BCKDHB: variants seen among roughly 807,000 people sequenced by gnomAD.
BCKDHB encodes 2-oxoisovalerate dehydrogenase subunit beta, mitochondrial.
Under a neutral mutation model 48.5 loss-of-function variants are expected in BCKDHB, and 41 were observed. The ratio of observed to expected loss-of-function variants is 0.85; its 90% CI spans 0.66 to 1.10. The LOEUF is 1.10. Ranked by LOEUF, BCKDHB falls within the 50% of genes least tolerant of loss-of-function variation. The pLI, the probability that BCKDHB is intolerant of heterozygous loss-of-function variation, is 0.00. For missense variants in BCKDHB, 496 were observed against 494.2 expected (o/e 1.00, Z -0.03); for synonymous variants, 201 against 174.8 (o/e 1.15, Z -1.18).
At chr6:80,238,488 G>A (rs1009135990) in intron 8 of BCKDHB, among the ~76,000 whole-genome samples, 3 of 152,174 alleles carry the variant, frequency 2.0e-5, no homozygotes, top group African/African-American at 7.2e-5. Context: ...ATAACAACTC[G>A]TGAATCTGGC....
chr6:80,360,837 T>G, the BCKDHB span, among the ~76,000 whole-genome samples: 68 of 151,678 alleles, frequency 4.5e-4, no homozygotes, highest in East Asian at 0.011. Context: ...GAAACCCGTC[T>G]CTACTAAAAA....
At chr6:80,150,632 C>G (rs1582239036) in intron 3 of BCKDHB, among the ~76,000 whole-genome samples, 1 of 145,240 alleles carries the variant, frequency 6.9e-6, no homozygotes, top group African/African-American at 2.5e-5. Context: ...TCTTGGCTCA[C>G]TACAACCTCT....
chr6:80,154,452 T>A (rs1209214158), intron 3 of BCKDHB, among the ~76,000 whole-genome samples: 1 of 152,112 alleles, frequency 6.6e-6, no homozygotes, highest in African/African-American at 2.4e-5. Flanking sequence ...TTATCTTCAG[T>A]TTGCTCCCCC....
At chr6:80,447,847 A>G in the BCKDHB span, among the ~76,000 whole-genome samples, 106 of 152,276 alleles carry the variant, frequency 7.0e-4, no homozygotes, top group Non-Finnish European at 1.3e-3. Flanking sequence ...TCAGACAAGT[A>G]TTGTCATGCC....
intron 8 of BCKDHB, among the ~76,000 whole-genome samples, chr6:80,232,642 G>A: frequency 6.9e-6 from 1 of 145,000 alleles, no homozygotes; most frequent in South Asian, 2.2e-4. Context: ...TGGTTACTAT[G>A]TAAATCACCT....
chr6:80,336,702 T>C lies in BCKDHB; in HGVS notation c.1039-6962T>C, dbSNP rs148110249. ...CTTGATAATAATATTTTAAGTGTTA[T>C]ACAAATCTGGATGAAATTATATTAT... is the stretch of plus-strand genomic sequence containing the variant. On this transcript the variant is annotated intron_variant, in intron 9 of 9. Coordinates refer to ENST00000320393, the MANE Select transcript of BCKDHB (RefSeq NM_183050.4). Among the ~76,000 whole-genome samples, 1,245 of 152,150 alleles carry C rather than the reference T, an allele frequency of 8.2e-3. 21 individuals carry two copies. The highest frequency in any genetic ancestry group is 0.028 in the African/African-American group (1,175 of 41,566).
At position 80,155,793 on chromosome 6, in the gene BCKDHB, T is replaced by C. The variant is rs571556164; in HGVS notation, c.344-11885T>C. Among the ~76,000 whole-genome samples, 91 of 151,976 alleles carry C rather than the reference T, an allele frequency of 6.0e-4. 1 individual carries two copies. The highest frequency in any genetic ancestry group is 2.1e-3 in the African/African-American group (86 of 41,538). ...CTTATATTCTCCTTAATTTAGAAAT[T>C]CATTTTAAAATAAAAGATTAATTTA... On this transcript the variant is annotated intron_variant, in intron 3 of 9. Transcript: ENST00000320393.
chr6:80,386,732 G>GAA, the BCKDHB span, among the ~76,000 whole-genome samples: 1 of 132,194 alleles, frequency 7.6e-6, no homozygotes, highest in Non-Finnish European at 1.7e-5. Flanking sequence ...AATTAATCAT[G>GAA]GTGTTCCTAG....
At chr6:80,118,955 G>C in intron 1 of BCKDHB, among the ~76,000 whole-genome samples, 1 of 152,118 alleles carries the variant, frequency 6.6e-6, no homozygotes, top group East Asian at 1.9e-4. Context: ...TTTCTACCAC[G>C]TCTGCAGTTA....
the BCKDHB span, among the ~76,000 whole-genome samples, chr6:80,379,902 G>A: frequency 6.6e-6 from 1 of 151,834 alleles, no homozygotes; most frequent in Non-Finnish European, 1.5e-5. Context: ...CTCTACAATA[G>A]AAACTACAAA....
chr6:80,342,043 T>G (rs1456813143), intron 9 of BCKDHB, among the ~76,000 whole-genome samples: 1 of 152,170 alleles, frequency 6.6e-6, no homozygotes, highest in Non-Finnish European at 1.5e-5. Flanking sequence ...TGTTTGATAT[T>G]GTAAATCATG....
At chr6:80,222,491 T>C (rs1023901116) in intron 8 of BCKDHB, among the ~76,000 whole-genome samples, 9 of 152,162 alleles carry the variant, frequency 5.9e-5, no homozygotes, top group Non-Finnish European at 1.3e-4. Context: ...CTCATTGCTT[T>C]TTCCTCTGTC....
chr6:80,383,443 A>G, the BCKDHB span, among the ~76,000 whole-genome samples: 1 of 152,106 alleles, frequency 6.6e-6, no homozygotes, highest in South Asian at 2.1e-4. Context: ...AATGTAGACA[A>G]TTACATATAT....
At chr6:80,398,900 A>G in the BCKDHB span, among the ~76,000 whole-genome samples, 1 of 152,182 alleles carries the variant, frequency 6.6e-6, no homozygotes, top group Non-Finnish European at 1.5e-5. Flanking sequence ...ATCCACCACG[A>G]TCAAGTAGGC....
chr6:80,239,103 T>G (rs1048911223), intron 8 of BCKDHB, among the ~76,000 whole-genome samples: 2 of 152,246 alleles, frequency 1.3e-5, no homozygotes, highest in African/African-American at 4.8e-5. Context: ...TATAATCCTT[T>G]GGATATATAC....
At chr6:80,446,297 C>T in the BCKDHB span, among the ~76,000 whole-genome samples, 1,745 of 152,324 alleles carry the variant, frequency 0.011, 39 homozygotes, top group African/African-American at 0.04. Context: ...AAACTGTGTA[C>T]GCATGAGAGT....
intron 8 of BCKDHB, among the ~76,000 whole-genome samples, chr6:80,246,071 A>T (rs1582432735): frequency 6.6e-6 from 1 of 152,150 alleles, no homozygotes; most frequent in African/African-American, 2.4e-5. Context: ...GTGAGACCCT[A>T]TCTCACTAAA....
At chr6:80,196,822 T>G (rs12526876) in intron 6 of BCKDHB, among the ~76,000 whole-genome samples, 12,173 of 144,758 alleles carry the variant, frequency 0.084, 561 homozygotes, top group South Asian at 0.11. Context: ...GAATGAGTGC[T>G]TTTGCATGTA....
intron 8 of BCKDHB, among the ~76,000 whole-genome samples, chr6:80,226,970 A>G (rs138984010): frequency 6.6e-6 from 1 of 152,012 alleles, no homozygotes; most frequent in African/African-American, 2.4e-5. Flanking sequence ...TCTTCTTTCC[A>G]CTTTGTAAAA....
Sources: gnomAD v4.1 joint callset for allele counts (sites outside exome capture counted in the v4.1 genomes callset) on GRCh38, gnomAD v4.1.1 for gene constraint, MANE v1.5 for transcripts, NCBI Gene and HGNC (gene_info 2026-07-23, HGNC 2026-07-21) for gene names.